GNG7: variants seen among roughly 807,000 people sequenced by gnomAD.
The protein encoded by GNG7 is guanine nucleotide-binding protein G(I)/G(S)/G(O) subunit gamma-7.
Under a neutral mutation model 4.0 loss-of-function variants are expected in GNG7, and 1 was observed. The observed-to-expected ratio is 0.25, with a 90% CI of 0.09 to 1.18. GNG7 has a LOEUF of 1.18. GNG7 is among the 50% of genes most tolerant of loss of function. The probability of loss-of-function intolerance (pLI) is 0.50; values close to 1 mark genes in which losing one functional copy is unlikely to be tolerated. For missense variants in GNG7, 86 were observed against 91.9 expected (o/e 0.94, Z 0.26); for synonymous variants, 34 against 36.9 (o/e 0.92, Z 0.29).
At chr19:2,643,100 G>A (rs889695391) in intron 2 of GNG7, 7 of 450,622 alleles carry the variant, frequency 1.6e-5, no homozygotes, top group African/African-American at 1.0e-4. Flanking sequence ...CATTGGCACC[G>A]GAAATGCTAA....
chr19:2,553,307 C>T (rs1185963874), intron 3 of GNG7, among the ~76,000 whole-genome samples: 1 of 150,164 alleles, frequency 6.7e-6, no homozygotes, highest in Non-Finnish European at 1.5e-5. Context: ...TAGAAAAACG[C>T]GAATGAAACA....
intron 2 of GNG7, among the ~76,000 whole-genome samples, chr19:2,561,619 T>G (rs945026821): frequency 1.6e-4 from 24 of 151,890 alleles, no homozygotes; most frequent in African/African-American, 5.6e-4. Flanking sequence ...GGCTCATTCC[T>G]GTAATCCCAG....
chr19:2,628,976 C>A (rs1303992125), intron 2 of GNG7, among the ~76,000 whole-genome samples: 1 of 152,186 alleles, frequency 6.6e-6, no homozygotes, highest in East Asian at 1.9e-4. Flanking sequence ...ATGTGGGCAC[C>A]AGGCGGTGGG....
At chr19:2,657,215 T>C (rs1029369292) in intron 1 of GNG7, among the ~76,000 whole-genome samples, 15 of 149,980 alleles carry the variant, frequency 1.0e-4, no homozygotes, top group African/African-American at 3.4e-4. Flanking sequence ...ACACCTGTAG[T>C]TCCAGCTACT....
intron 3 of GNG7, among the ~76,000 whole-genome samples, chr19:2,541,540 C>A (rs1978962797): frequency 1.3e-5 from 2 of 151,958 alleles, no homozygotes; most frequent in Admixed American, 6.6e-5. Flanking sequence ...CGAGACCAGC[C>A]TGGCCAAGAT....
chr19:2,644,624 C>T (rs1424492572), intron 2 of GNG7, among the ~76,000 whole-genome samples: 1 of 152,088 alleles, frequency 6.6e-6, no homozygotes, highest in Admixed American at 6.6e-5. Context: ...TCAACCATCA[C>T]TTCCCATGCC....
chr19:2,638,130 C>G (rs1048660123), intron 2 of GNG7, among the ~76,000 whole-genome samples: 1 of 151,776 alleles, frequency 6.6e-6, no homozygotes, highest in African/African-American at 2.4e-5. Context: ...TTTGGGAGGC[C>G]GAGGCAGGTG....
intron 2 of GNG7, among the ~76,000 whole-genome samples, 170 bp downstream of exon 2, chr19:2,646,054 G>C (rs1279371237): frequency 6.6e-6 from 1 of 152,166 alleles, no homozygotes; most frequent in Non-Finnish European, 1.5e-5. Context: ...GCTAGCAGCT[G>C]TTACCCACAC....
chr19:2,661,302 G>GGA (rs1473005292), intron 1 of GNG7, among the ~76,000 whole-genome samples: 2 of 73,122 alleles, frequency 2.7e-5, no homozygotes, highest in Non-Finnish European at 5.4e-5. Flanking sequence ...AAGAAAGAAA[G>GGA]AGAAAGAAAG....
chr19:2,684,499 C>T (rs987043185), intron 1 of GNG7, among the ~76,000 whole-genome samples: 11 of 151,978 alleles, frequency 7.2e-5, no homozygotes, highest in African/African-American at 2.4e-4. Flanking sequence ...GACGGATGCA[C>T]GGATCAACGT....
At chr19:2,544,872 C>T (rs1979074433) in intron 3 of GNG7, among the ~76,000 whole-genome samples, 1 of 151,806 alleles carries the variant, frequency 6.6e-6, no homozygotes, top group Non-Finnish European at 1.5e-5. Context: ...AAGGATCTTA[C>T]CCCACTGTCC....
At chr19:2,602,461 C>T (rs372473640) in intron 2 of GNG7, among the ~76,000 whole-genome samples, 5 of 152,196 alleles carry the variant, frequency 3.3e-5, no homozygotes, top group African/African-American at 1.2e-4. Flanking sequence ...CCCTTCAGGG[C>T]GCTGGGGAGG....
chr19:2,543,374 C>A (rs1979024943), intron 3 of GNG7, among the ~76,000 whole-genome samples: 1 of 152,068 alleles, frequency 6.6e-6, no homozygotes, highest in Non-Finnish European at 1.5e-5. Context: ...GTGTGCACCA[C>A]CATGCCCGGC....
chr19:2,574,299 A>C (rs939711686), intron 2 of GNG7, among the ~76,000 whole-genome samples: 1 of 151,876 alleles, frequency 6.6e-6, no homozygotes, highest in African/African-American at 2.4e-5. Context: ...TCTCACTACA[A>C]TGTTGTGCCG....
chr19:2,692,817 C>G (rs1016495933), intron 1 of GNG7, among the ~76,000 whole-genome samples: 3 of 151,484 alleles, frequency 2.0e-5, no homozygotes, highest in Non-Finnish European at 2.9e-5. Context: ...AAGACCCGGT[C>G]TCTACAAAAG....
intron 2 of GNG7, among the ~76,000 whole-genome samples, chr19:2,639,139 C>T (rs926943618): frequency 1.3e-5 from 2 of 151,528 alleles, no homozygotes; most frequent in Non-Finnish European, 2.9e-5. Flanking sequence ...GAGGCTGAGG[C>T]GGGAGAATCG....
At chr19:2,647,710 C>G (rs923892277) in intron 1 of GNG7, among the ~76,000 whole-genome samples, 8 of 151,714 alleles carry the variant, frequency 5.3e-5, no homozygotes, top group Admixed American at 4.6e-4. Flanking sequence ...AGAGTGCAAT[C>G]CTGTCTGAGA....
chr19:2,672,133 G>C (rs1983471458), intron 1 of GNG7, among the ~76,000 whole-genome samples: 1 of 148,792 alleles, frequency 6.7e-6, no homozygotes. Flanking sequence ...TGCCTGCCAG[G>C]TTCAAGCAAT....
rs368071154 is a variant in GNG7 at position 2,634,892 on chromosome 19, A to T, written c.-78+11332T>A. ...GCTCTCAGCAGAAATGTTACCAAAA[A>T]AAAAAAACCCTCGCCGGGAGAACAA... On this transcript the variant is annotated intron_variant, in intron 2 of 4. Coordinates refer to ENST00000382159, the MANE Select transcript of GNG7 (RefSeq NM_052847.3). The surrounding 1 kb of genome is among the most constrained non-coding windows in gnomAD (Gnocchi z 5.3). 2.0e-5 allele frequency among the ~76,000 whole-genome samples: 3 copies of T among 152,132 alleles called. No individual in the cohort carries two copies. In the East Asian group the frequency reaches 5.8e-4, roughly 29 times the overall value.
Sources: gnomAD v4.1 joint callset for allele counts (sites outside exome capture counted in the v4.1 genomes callset) on GRCh38, gnomAD v4.1.1 for gene constraint, Gnocchi (gnomAD v3.1) non-coding constraint, MANE v1.5 for transcripts, NCBI Gene and HGNC (gene_info 2026-07-23, HGNC 2026-07-21) for gene names.